The following ZNF618 variants were observed in gnomAD, a reference collection of about 807,000 sequenced individuals.
The protein encoded by ZNF618 is zinc finger protein 618.
A neutral mutation model predicts 103.0 loss-of-function variants in ZNF618; 34 were observed. The ratio of observed to expected loss-of-function variants is 0.33; its 90% confidence interval spans 0.25 to 0.44. The LOEUF (loss-of-function observed/expected upper bound fraction) is 0.44. Ranked by LOEUF, ZNF618 falls within the 20% of genes least tolerant of loss-of-function variation. The pLI, the probability that ZNF618 is intolerant of heterozygous loss-of-function variation, is 1.00. For synonymous variants in ZNF618, 551 were observed against 542.2 expected (o/e 1.02, Z -0.23); for missense variants, 1,059 against 1,295.4 (o/e 0.82, Z 2.80).
rs77346979 is a variant in ZNF618, at chr9:113,894,989, A to G, written c.33+18576A>G. 3.7e-3 allele frequency among the ~76,000 whole-genome samples: 565 copies of G among 152,266 alleles called. 1 individual carries two copies. The highest frequency in any genetic ancestry group is 0.013 in the African/African-American group (541 of 41,566). On this transcript the variant is annotated intron_variant, in intron 1 of 14. Transcript: ENST00000374126. ...GAACAATTTGAATAATAACAGGGAT[A>G]ACAAGTATTCTTGTATTATCTTATT...
intron 1 of ZNF618, among the ~76,000 whole-genome samples, chr9:113,911,486 G>A (rs1831543056): frequency 6.6e-6 from 1 of 151,670 alleles, no homozygotes; most frequent in Admixed American, 6.6e-5. Flanking sequence ...CTGCCACGAT[G>A]CCCAGCTGAT....
chr9:113,888,630 C>A (rs1258053283), intron 1 of ZNF618, among the ~76,000 whole-genome samples: 2 of 152,192 alleles, frequency 1.3e-5, no homozygotes, highest in African/African-American at 2.4e-5. Context: ...CAGTAACAGG[C>A]CGTGAGAGGT....
In ZNF618 at chr9:114,028,809, T is replaced by C; in HGVS notation, c.921T>C (p.Ser307=). The C allele has an allele frequency of 6.4e-7, 1 of 1,550,540 alleles. No individual in the cohort carries two copies. The highest frequency in any genetic ancestry group is 2.4e-5 in the East Asian group (1 of 40,906). ...SECSHPEVSP[S]PRFVAAKTQT... Reference sequence around the variant, plus strand: ...GTTCACATCCAGAGGTCTCCCCATCTCCACGCTTCGTGGCAGCGAAGACCC... The same window carrying C: ...GTTCACATCCAGAGGTCTCCCCATCCCCACGCTTCGTGGCAGCGAAGACCC... The change falls in exon 11 of 15, where the codon TCT becomes TCC. Residue 307 remains serine (S), a synonymous_variant. Transcript: ENST00000374126.
At chr9:114,004,333 C>G (rs1393915618) in intron 6 of ZNF618, among the ~76,000 whole-genome samples, 1 of 152,212 alleles carries the variant, frequency 6.6e-6, no homozygotes, top group African/African-American at 2.4e-5. Flanking sequence ...CCCCGCCTTT[C>G]CTGCCCCAGC....
chr9:114,002,690 G>A, intron 6 of ZNF618, 28 bp downstream of exon 6: 8 of 1,609,310 alleles, frequency 5.0e-6, no homozygotes, highest in Non-Finnish European at 6.8e-6. Flanking sequence ...CTCGTGGGCT[G>A]CTGAGGGGCG....
intron 13 of ZNF618, among the ~76,000 whole-genome samples, chr9:114,039,421 T>C: frequency 6.6e-6 from 1 of 151,374 alleles, no homozygotes; most frequent in East Asian, 2.0e-4. Flanking sequence ...ATCTCAGCTG[T>C]ATACCTGCAA....
chr9:113,982,571 A>G (rs1588228590), intron 2 of ZNF618, among the ~76,000 whole-genome samples: 1 of 152,154 alleles, frequency 6.6e-6, no homozygotes, highest in Non-Finnish European at 1.5e-5. Flanking sequence ...CTTTTTCCAA[A>G]TAAGGTCATA....
chr9:113,996,903 T>C (rs954611427), intron 3 of ZNF618, among the ~76,000 whole-genome samples: 8 of 152,164 alleles, frequency 5.3e-5, no homozygotes, highest in Admixed American at 5.2e-4. Flanking sequence ...AGCATGGCTC[T>C]GGATCCCCAA....
At chr9:113,926,165 T>C (rs1833074434) in intron 1 of ZNF618, among the ~76,000 whole-genome samples, 2 of 151,722 alleles carry the variant, frequency 1.3e-5, no homozygotes, top group South Asian at 4.1e-4. Context: ...TTTTTTTTTT[T>C]TCTTTTAGGA....
chr9:113,912,332 G>A (rs1407903607), intron 1 of ZNF618, among the ~76,000 whole-genome samples: 10 of 152,158 alleles, frequency 6.6e-5, no homozygotes, highest in Non-Finnish European at 1.5e-5. Flanking sequence ...GATGGGATTA[G>A]GATGGGATTT....
intron 1 of ZNF618, among the ~76,000 whole-genome samples, chr9:113,877,649 T>G (rs931236571): frequency 3.9e-5 from 6 of 151,928 alleles, no homozygotes; most frequent in African/African-American, 1.2e-4. Context: ...TTGTTGGGTT[T>G]TGTGTGTGTG....
chr9:113,964,476 C>T (rs933411573), intron 1 of ZNF618, among the ~76,000 whole-genome samples: 2 of 152,074 alleles, frequency 1.3e-5, no homozygotes, highest in African/African-American at 2.4e-5. Context: ...CACCCTCCCC[C>T]ACCCTCACCG....
intron 3 of ZNF618, among the ~76,000 whole-genome samples, chr9:113,991,047 A>G (rs1387996860): frequency 6.6e-6 from 1 of 152,184 alleles, no homozygotes; most frequent in Non-Finnish European, 1.5e-5. Flanking sequence ...CCAGGAAAGG[A>G]TGGTTGAATC....
intron 3 of ZNF618, among the ~76,000 whole-genome samples, chr9:113,994,715 T>C (rs1385070767): frequency 6.6e-6 from 1 of 152,224 alleles, no homozygotes; most frequent in Non-Finnish European, 1.5e-5. Flanking sequence ...ACCACTGCTA[T>C]TAGCTGGAAC....
At chr9:113,982,451 T>G (rs1219343668) in intron 2 of ZNF618, among the ~76,000 whole-genome samples, 1 of 152,186 alleles carries the variant, frequency 6.6e-6, no homozygotes, top group East Asian at 1.9e-4. Context: ...CTGTCTGTCT[T>G]AAATCTCCCT....
rs75211384 is a variant in ZNF618, at chr9:114,004,124, G to A, written c.550+1462G>A. Among the ~76,000 whole-genome samples the A allele has an allele frequency of 9.5e-4, 144 of 152,330 alleles. 1 individual carries two copies. Among genetic ancestry groups the A allele is most frequent in the African/African-American group, 3.4e-3 (141 of 41,580 alleles). ...AACCAGAGCAGTTTGAAGAGATGGC[G>A]ATGGCTGAAAAAGGATTGTAACTGG... On this transcript the variant is annotated intron_variant, in intron 6 of 14. Transcript: ENST00000374126.
At chr9:113,975,519 G>A (rs984768313) in intron 2 of ZNF618, among the ~76,000 whole-genome samples, 1 of 152,150 alleles carries the variant, frequency 6.6e-6, no homozygotes, top group Non-Finnish European at 1.5e-5. Context: ...AATACAGATT[G>A]AGTATTCCTA....
At chr9:113,931,607 T>C (rs1271167378) in intron 1 of ZNF618, among the ~76,000 whole-genome samples, 1 of 152,176 alleles carries the variant, frequency 6.6e-6, no homozygotes, top group African/African-American at 2.4e-5. Context: ...TTTGGGCTGA[T>C]ACAGTAGCCA....
At chr9:114,027,454 G>A (rs1400040517) in intron 10 of ZNF618, among the ~76,000 whole-genome samples, 1 of 152,230 alleles carries the variant, frequency 6.6e-6, no homozygotes, top group Non-Finnish European at 1.5e-5. Flanking sequence ...CTCCACGGGG[G>A]AGAATGGGCA....
Sources: gnomAD v4.1 joint callset for allele counts (sites outside exome capture counted in the v4.1 genomes callset) on GRCh38, gnomAD v4.1.1 for gene constraint, MANE v1.5 for transcripts, NCBI Gene and HGNC (gene_info 2026-07-23, HGNC 2026-07-21) for gene names.